NKAIN2: variants seen among roughly 807,000 people sequenced by gnomAD.
NKAIN2 encodes the protein sodium/potassium-transporting ATPase subunit beta-1-interacting protein 2.
In NKAIN2, 14 loss-of-function variants were observed where a neutral mutation model predicts 32.6. That is an observed-to-expected ratio of 0.43 (90% CI 0.28 to 0.67). NKAIN2 has a LOEUF of 0.67. Ranked by LOEUF, NKAIN2 falls within the 30% of genes least tolerant of loss-of-function variation. The probability of loss-of-function intolerance (pLI) is 0.17; values close to 1 mark genes in which losing one functional copy is unlikely to be tolerated. For missense variants in NKAIN2, 198 were observed against 258.3 expected (o/e 0.77, Z 1.60); for synonymous variants, 80 against 87.2 (o/e 0.92, Z 0.46).
intron 1 of NKAIN2, among the ~76,000 whole-genome samples, chr6:123,981,057 C>T (rs186282399): frequency 5.3e-5 from 8 of 152,042 alleles, no homozygotes; most frequent in East Asian, 3.9e-4. Context: ...TTAGTAGAGA[C>T]GGGGTTTCAC....
At position 123,976,208 on chromosome 6, in the gene NKAIN2, G is replaced by A. The variant is rs1287057773; in HGVS notation, c.54+171954G>A. Among the ~76,000 whole-genome samples the A allele has an allele frequency of 2.8e-5, 4 of 143,348 alleles. No homozygotes were observed. The East Asian group carries it at 8.4e-4, about 30-fold the overall frequency. The allele number at this position is 143,348 out of a possible 152,430, so 94.0% of individuals were successfully genotyped here. ...ATGTCTTTATCAGCAGCATGAAAAT[G>A]GATTAATACAAGACACAAACGTCCA... is the stretch of plus-strand genomic sequence containing the variant. On this transcript the variant is annotated intron_variant, in intron 1 of 6. Coordinates refer to ENST00000368417, the MANE Select transcript of NKAIN2 (RefSeq NM_001040214.3).
At chr6:124,530,117 G>T (rs1273815178) in intron 3 of NKAIN2, among the ~76,000 whole-genome samples, 2 of 152,166 alleles carry the variant, frequency 1.3e-5, no homozygotes, top group African/African-American at 4.8e-5. Flanking sequence ...CAATGCAGGG[G>T]CCCTGCACTG....
At chr6:124,809,288 T>C (rs1780759223) in intron 5 of NKAIN2, among the ~76,000 whole-genome samples, 1 of 150,352 alleles carries the variant, frequency 6.7e-6, no homozygotes, top group Admixed American at 6.6e-5. Context: ...AACAGAGATA[T>C]AGATCAATGG....
Position 123,832,600 on chromosome 6 carries a change from G to A in NKAIN2, c.54+28346G>A, listed in dbSNP as rs148309446. Among the ~76,000 whole-genome samples the A allele has an allele frequency of 1.1e-4, 16 of 152,300 alleles. No individual in the cohort carries two copies. In the East Asian group the frequency reaches 1.5e-3, roughly 15 times the overall value. On this transcript the variant is annotated intron_variant, in intron 1 of 6. Transcript: ENST00000368417. Reference sequence around the variant, plus strand: ...TTTCGCATTTCTACAAACAATGAATGAGAGTTCTTACTGCTTCACATCCTC... The same window carrying A: ...TTTCGCATTTCTACAAACAATGAATAAGAGTTCTTACTGCTTCACATCCTC...
intron 4 of NKAIN2, among the ~76,000 whole-genome samples, chr6:124,747,068 C>G (rs1323836625): frequency 2.0e-5 from 3 of 151,856 alleles, no homozygotes; most frequent in Non-Finnish European, 4.4e-5. Context: ...GAATTAATAT[C>G]TTATCCTGTT....
At chr6:124,753,211 G>T (rs1389779038) in intron 4 of NKAIN2, among the ~76,000 whole-genome samples, 1 of 152,102 alleles carries the variant, frequency 6.6e-6, no homozygotes, top group Non-Finnish European at 1.5e-5. Context: ...AAATGTAAAA[G>T]TCTCTAATCC....
At chr6:124,235,278 CAT>C (rs1792690436) in intron 1 of NKAIN2, among the ~76,000 whole-genome samples, 1 of 152,130 alleles carries the variant, frequency 6.6e-6, no homozygotes, top group South Asian at 2.1e-4. Context: ...CTATGGAAAA[CAT>C]CTTACCTTCC....
chr6:124,362,862 T>C (rs930976093), intron 3 of NKAIN2, among the ~76,000 whole-genome samples: 5 of 151,828 alleles, frequency 3.3e-5, no homozygotes, highest in Non-Finnish European at 7.4e-5. Flanking sequence ...TGAGATAGAG[T>C]CCCACTCTGT....
intron 4 of NKAIN2, among the ~76,000 whole-genome samples, chr6:124,731,311 C>G (rs940847694): frequency 2.6e-5 from 4 of 151,130 alleles, no homozygotes; most frequent in Non-Finnish European, 5.9e-5. Flanking sequence ...GGATCCAACC[C>G]AAATGTCCAA....
chr6:124,209,348 C>T (rs1273957584), intron 1 of NKAIN2, among the ~76,000 whole-genome samples: 1 of 151,792 alleles, frequency 6.6e-6, no homozygotes, highest in East Asian at 1.9e-4. Context: ...ATACTTACCA[C>T]ATTTTTTATG....
chr6:124,308,433 G>A (rs1391263663), intron 2 of NKAIN2, among the ~76,000 whole-genome samples: 1 of 152,118 alleles, frequency 6.6e-6, no homozygotes, highest in Non-Finnish European at 1.5e-5. Context: ...CTAAAGATAA[G>A]CCAAGTTTAC....
intron 3 of NKAIN2, among the ~76,000 whole-genome samples, chr6:124,479,848 A>G (rs1319497076): frequency 6.6e-6 from 1 of 152,184 alleles, no homozygotes; most frequent in Non-Finnish European, 1.5e-5. Context: ...AAAAACAAAC[A>G]ATAACAACAA....
intron 3 of NKAIN2, among the ~76,000 whole-genome samples, chr6:124,394,106 T>C (rs1773258167): frequency 6.6e-6 from 1 of 152,166 alleles, no homozygotes; most frequent in African/African-American, 2.4e-5. Flanking sequence ...CATTGTCTAA[T>C]ATTTTAAGGC....
At chr6:124,231,175 T>C (rs1052181160) in intron 1 of NKAIN2, among the ~76,000 whole-genome samples, 1 of 152,230 alleles carries the variant, frequency 6.6e-6, no homozygotes, top group African/African-American at 2.4e-5. Flanking sequence ...CTGCTGGATG[T>C]TGGACTTGCA....
At chr6:124,327,166 A>G (rs1015847563) in intron 2 of NKAIN2, among the ~76,000 whole-genome samples, 3 of 152,116 alleles carry the variant, frequency 2.0e-5, no homozygotes, top group Non-Finnish European at 2.9e-5. Flanking sequence ...CTAGTCAACA[A>G]ATTTTTCTGG....
intron 1 of NKAIN2, among the ~76,000 whole-genome samples, chr6:124,203,040 C>T (rs982890532): frequency 6.6e-6 from 1 of 151,796 alleles, no homozygotes; most frequent in African/African-American, 2.4e-5. Flanking sequence ...AATGTGCTGT[C>T]TGTTTAAATG....
chr6:124,803,902 C>G (rs1321992239), intron 5 of NKAIN2, among the ~76,000 whole-genome samples: 1 of 152,182 alleles, frequency 6.6e-6, no homozygotes, highest in Non-Finnish European at 1.5e-5. Flanking sequence ...CCCAATCCTA[C>G]TCATAGTGTA....
chr6:124,624,959 ATCT>A (rs755355711), intron 3 of NKAIN2, among the ~76,000 whole-genome samples: 2 of 152,092 alleles, frequency 1.3e-5, no homozygotes, highest in Non-Finnish European at 2.9e-5. Flanking sequence ...CAACTTTCTA[ATCT>A]TCTAGCTTTA....
intron 1 of NKAIN2, among the ~76,000 whole-genome samples, chr6:124,201,699 C>A (rs1790597124): frequency 6.6e-6 from 1 of 151,934 alleles, no homozygotes. Flanking sequence ...CATAGAGATA[C>A]AATATTCGTT....
Sources: gnomAD v4.1 joint callset for allele counts (sites outside exome capture counted in the v4.1 genomes callset) on GRCh38, gnomAD v4.1.1 for gene constraint, MANE v1.5 for transcripts, NCBI Gene and HGNC (gene_info 2026-07-23, HGNC 2026-07-21) for gene names.